Variants in SLC24A2 observed in about 807,000 individuals in gnomAD.
SLC24A2 encodes the protein sodium/potassium/calcium exchanger 2.
Under a neutral mutation model 62.0 loss-of-function variants are expected in SLC24A2, and 36 were observed. That is an observed-to-expected ratio of 0.58 (90% confidence interval 0.44 to 0.77). SLC24A2 has a LOEUF of 0.77. Among genes scored for constraint, SLC24A2 ranks in the 30% least tolerant of loss-of-function variants. The pLI is 0.00. For synonymous variants in SLC24A2, 358 were observed against 294.0 expected, an observed-to-expected ratio of 1.22 and a Z score of -2.23; for missense variants, 846 against 817.9, an observed-to-expected ratio of 1.03 and a Z score of -0.42.
the SLC24A2 span, among the ~76,000 whole-genome samples, chr9:19,966,159 C>T: frequency 2.0e-5 from 3 of 152,110 alleles, no homozygotes; most frequent in Admixed American, 1.3e-4. Flanking sequence ...AATACTTAAG[C>T]GTCCATATAG....
chr9:20,157,374 C>T, the SLC24A2 span, among the ~76,000 whole-genome samples: 1 of 151,568 alleles, frequency 6.6e-6, no homozygotes, highest in African/African-American at 2.4e-5. Context: ...GCTCCATTGG[C>T]ACTATATTCT....
chr9:19,955,613 T>C, the SLC24A2 span, among the ~76,000 whole-genome samples: 2 of 152,096 alleles, frequency 1.3e-5, no homozygotes, highest in East Asian at 1.9e-4. Context: ...ATATGTAATA[T>C]GTAAAAATAA....
At chr9:20,289,880 T>C in the SLC24A2 span, among the ~76,000 whole-genome samples, 2 of 152,146 alleles carry the variant, frequency 1.3e-5, no homozygotes, top group Non-Finnish European at 2.9e-5. Context: ...TTGGAATTTT[T>C]TCCTACGCTT....
the SLC24A2 span, among the ~76,000 whole-genome samples, chr9:20,057,892 T>A: frequency 2.1e-4 from 32 of 152,334 alleles, no homozygotes; most frequent in African/African-American, 7.0e-4. Flanking sequence ...AACCATGATA[T>A]GAAACTACAT....
chr9:19,933,914 A>G, the SLC24A2 span, among the ~76,000 whole-genome samples: 5 of 152,188 alleles, frequency 3.3e-5, no homozygotes, highest in Non-Finnish European at 5.9e-5. Flanking sequence ...TTCCCCAAAC[A>G]GGCAAATCCA....
At chr9:19,730,168 A>C (rs1296833008) in intron 2 of SLC24A2, among the ~76,000 whole-genome samples, 1 of 152,214 alleles carries the variant, frequency 6.6e-6, no homozygotes, top group Non-Finnish European at 1.5e-5. Flanking sequence ...GAAGGTACAG[A>C]ATGCAGTGAG....
chr9:19,992,910 G>A, the SLC24A2 span, among the ~76,000 whole-genome samples: 1 of 152,192 alleles, frequency 6.6e-6, no homozygotes, highest in East Asian at 1.9e-4. Flanking sequence ...GTGTGGGGTA[G>A]ATTAACTCTT....
intron 9 of SLC24A2, among the ~76,000 whole-genome samples, chr9:19,523,794 T>A (rs1833306937): frequency 2.0e-5 from 3 of 152,126 alleles, no homozygotes; most frequent in African/African-American, 7.2e-5. Flanking sequence ...CAGACATTAC[T>A]CCTTTCCCTC....
At chr9:19,752,692 C>T (rs1277302554) in intron 2 of SLC24A2, among the ~76,000 whole-genome samples, 3 of 122,744 alleles carry the variant, frequency 2.4e-5, no homozygotes, top group Non-Finnish European at 5.6e-5. Flanking sequence ...TAACAGCTAA[C>T]ACTGAGAGAA....
Position 19,677,571 on chromosome 9 carries a change from CT to C in SLC24A2, c.931-55273del, listed in dbSNP as rs1398784838. 8.5e-5 allele frequency among the ~76,000 whole-genome samples: 13 copies of C among 152,280 alleles called. No homozygotes were observed. The East Asian group carries it at 2.3e-3, about 27-fold the overall frequency. On this transcript the variant is annotated intron_variant, in intron 2 of 10. Transcript: ENST00000341998. Reference sequence around the variant, plus strand: ...GTATAACAAACGTGCATGTGTACCCCTGACCTTAAAGTTAAAAAGTTTTTCA... The same window carrying C: ...GTATAACAAACGTGCATGTGTACCCCGACCTTAAAGTTAAAAAGTTTTTCA...
chr9:19,799,669 G>A, the SLC24A2 span, among the ~76,000 whole-genome samples: 2 of 152,222 alleles, frequency 1.3e-5, no homozygotes, highest in African/African-American at 4.8e-5. Flanking sequence ...AGCACATCTA[G>A]ATGAGCTCAC....
In SLC24A2 at chr9:19,556,933, A is replaced by G. The variant is rs145236411; in HGVS notation, c.1348-6665T>C. ...ATCATATGGACAATAATAGATCACA[A>G]CAGACAAGCTGCAATCATAGATGTC... is the stretch of plus-strand genomic sequence containing the variant. On this transcript the variant is annotated intron_variant, in intron 7 of 10. Transcript: ENST00000341998. Among the ~76,000 whole-genome samples, 119 of 152,304 alleles carry G rather than the reference A, an allele frequency of 7.8e-4. 1 individual carries two copies. Among genetic ancestry groups the G allele is most frequent in the African/African-American group, 2.8e-3 (117 of 41,564 alleles).
the SLC24A2 span, among the ~76,000 whole-genome samples, chr9:20,244,312 G>C: frequency 0.016 from 2,451 of 152,246 alleles, 71 homozygotes; most frequent in African/African-American, 0.056. Flanking sequence ...GAGAACAAGT[G>C]AAAAATAAGA....
the SLC24A2 span, among the ~76,000 whole-genome samples, chr9:20,019,117 GAA>G: frequency 1.6e-5 from 1 of 61,952 alleles, no homozygotes; most frequent in African/African-American, 8.2e-5. Flanking sequence ...AAGAAAGAAA[GAA>G]AGAAAGAAAG....
At chr9:20,213,312 T>C in the SLC24A2 span, among the ~76,000 whole-genome samples, 1 of 151,834 alleles carries the variant, frequency 6.6e-6, no homozygotes, top group Admixed American at 6.6e-5. Context: ...TATCACAACC[T>C]ATAGGATGAA....
At chr9:19,600,845 G>A (rs571793293) in intron 4 of SLC24A2, among the ~76,000 whole-genome samples, 3 of 152,106 alleles carry the variant, frequency 2.0e-5, no homozygotes, top group Non-Finnish European at 4.4e-5. Context: ...CTGGGGAGGG[G>A]GAGAGCGTAG....
chr9:20,275,715 A>G, the SLC24A2 span, among the ~76,000 whole-genome samples: 2 of 152,216 alleles, frequency 1.3e-5, no homozygotes, highest in African/African-American at 4.8e-5. Flanking sequence ...ATGGCTATGA[A>G]GAAATGCCCA....
the SLC24A2 span, among the ~76,000 whole-genome samples, chr9:20,159,169 A>T: frequency 6.6e-6 from 1 of 151,674 alleles, no homozygotes; most frequent in South Asian, 2.1e-4. Context: ...ATATAAAAAA[A>T]TCTTCAACGT....
the SLC24A2 span, among the ~76,000 whole-genome samples, chr9:19,837,452 C>A: frequency 1.2e-5 from 1 of 81,920 alleles, no homozygotes; most frequent in Non-Finnish European, 2.2e-5. Context: ...GAGCGAGACT[C>A]CGTCTCAAAA....
Sources: gnomAD v4.1 joint callset for allele counts (sites outside exome capture counted in the v4.1 genomes callset) on GRCh38, gnomAD v4.1.1 for gene constraint, MANE v1.5 for transcripts, NCBI Gene and HGNC (gene_info 2026-07-23, HGNC 2026-07-21) for gene names.